The following REELD1 variants were observed in gnomAD, a reference collection of about 807,000 sequenced individuals.
REELD1 encodes the protein reelin domain-containing protein 1.
REELD1 carries 12 observed loss-of-function variants against 6.3 expected under a neutral mutation model. The ratio of observed to expected loss-of-function variants is 1.89; its 90% CI spans 1.21 to 3.07. The LOEUF (loss-of-function observed/expected upper bound fraction) is 3.07, where lower values mean the gene tolerates loss of function less well. Ranked by LOEUF, REELD1 falls within the 30% of genes most tolerant of loss-of-function variation. The pLI, the probability that REELD1 is intolerant of heterozygous loss-of-function variation, is 0.00. For synonymous variants in REELD1, 57 were observed against 33.6 expected (o/e 1.70, Z -2.42); for missense variants, 163 against 86.8 (o/e 1.88, Z -3.49).
At chr4:146,216,861 A>T in intron 2 of REELD1, 81 bp from the exon 3 acceptor site, 1 of 397,666 alleles carries the variant, frequency 2.5e-6, no homozygotes, top group Non-Finnish European at 4.4e-6. Context: ...TGTGGGGTTC[A>T]GGTTAGTCAC....
At chr4:146,214,797 G>T (rs1377433301) in intron 1 of REELD1, 103 bp downstream of exon 1, 1 of 152,318 alleles carries the variant, frequency 6.6e-6, no homozygotes, top group Non-Finnish European at 1.5e-5. Flanking sequence ...TCCTGCCTCG[G>T]CCTCCCAAAG....
Position 146,216,812 on chromosome 4 carries a change from T to C in REELD1, c.-11-130T>C, listed in dbSNP as rs1209510809. The C allele has an allele frequency of 1.3e-5, 5 of 397,304 alleles. No individual in the cohort carries two copies. In the East Asian group the frequency reaches 1.8e-4, roughly 14 times the overall value. The allele number at this position is 397,304 out of a possible 1,614,324, so 24.6% of individuals were successfully genotyped here. On this transcript the variant is annotated intron_variant, in intron 2 of 7. Transcript: ENST00000623665. ...TCTTGGCCTTGAACATTAGCAATCCTGGGAGGCTGCACTAAAAGCATCTCA... is the reference window on the plus strand; with the variant it reads ...TCTTGGCCTTGAACATTAGCAATCCCGGGAGGCTGCACTAAAAGCATCTCA...
intron 2 of REELD1, among the ~76,000 whole-genome samples, chr4:146,216,720 AG>A (rs1730832629): frequency 1.3e-5 from 2 of 152,372 alleles, no homozygotes; most frequent in South Asian, 4.1e-4. Flanking sequence ...GAAAATTACA[AG>A]AACAGAAGTT....
At chr4:146,225,787 A>G (rs1228849595) in intron 5 of REELD1, among the ~76,000 whole-genome samples, 1 of 152,034 alleles carries the variant, frequency 6.6e-6, no homozygotes, top group Non-Finnish European at 1.5e-5. Context: ...TCTATGCCTG[A>G]CTCCGCTGGA....
At chr4:146,227,900 G>T (rs1731053064) in intron 5 of REELD1, among the ~76,000 whole-genome samples, 1 of 152,110 alleles carries the variant, frequency 6.6e-6, no homozygotes, top group South Asian at 2.1e-4. Flanking sequence ...GCAGTTTTTG[G>T]CAGAGGTGAA....
chr4:146,229,167 A>C, intron 7 of REELD1, 79 bp downstream of exon 7: 2 of 683,082 alleles, frequency 2.9e-6, no homozygotes, highest in South Asian at 3.1e-5. Flanking sequence ...GGGAAATCAG[A>C]GCTATTAGAC....
chr4:146,223,168 A>T (rs1730955139), intron 4 of REELD1, among the ~76,000 whole-genome samples: 1 of 152,236 alleles, frequency 6.6e-6, no homozygotes, highest in South Asian at 2.1e-4. Flanking sequence ...GCATTTACCA[A>T]GAAAGATAAT....
intron 3 of REELD1, among the ~76,000 whole-genome samples, chr4:146,217,727 A>G (rs948141026): frequency 6.6e-6 from 1 of 152,248 alleles, no homozygotes; most frequent in African/African-American, 2.4e-5. Flanking sequence ...GGACACAAAT[A>G]TAGTTACTCT....
In REELD1 at chr4:146,229,010, C is replaced by T; in HGVS notation, c.909-15C>T. Reference sequence around the variant, plus strand: ...CTTAATGACCTGTTTTCAGCCCTTCCATTCTTCCCTTTAGAACTCAGGATG... The same window carrying T: ...CTTAATGACCTGTTTTCAGCCCTTCTATTCTTCCCTTTAGAACTCAGGATG... On this transcript the variant is annotated splice_polypyrimidine_tract_variant and intron_variant, in intron 6 of 7. Transcript: ENST00000623665. 1 of 702,302 alleles carries T rather than the reference C, an allele frequency of 1.4e-6. No homozygotes were observed. The highest frequency in any genetic ancestry group is 2.6e-6 in the Non-Finnish European group (1 of 384,884). 43.5% of individuals were successfully genotyped at this position (702,302 alleles called of 1,614,324 possible). A position where few individuals can be genotyped will look rare whatever the true frequency, so the allele number is the denominator to read the frequency against.
chr4:146,229,566 T>C (rs1418393112), intron 7 of REELD1, among the ~76,000 whole-genome samples: 1 of 152,206 alleles, frequency 6.6e-6, no homozygotes. Flanking sequence ...ATGGGTCCTA[T>C]CATAAGAAGA....
chr4:146,228,224 A>T lies in REELD1; in HGVS notation c.610A>T (p.Ile204Phe), dbSNP rs1478911752. Residue 204 changes from isoleucine (I) to phenylalanine (F), a missense_variant, in exon 6 of 8, where the codon ATC becomes TTC. Ile to Phe is a conservative substitution (Grantham distance 21, BLOSUM62 0). Transcript: ENST00000623665. ...EGAAPAPRTP[I>F]TLPQQHTHVF... Reference sequence around the variant, plus strand: ...CCTCTGCTTAGCTCCCAGGACCCCCATCACTCTTCCACAGCAGCACACACA... The same window carrying T: ...CCTCTGCTTAGCTCCCAGGACCCCCTTCACTCTTCCACAGCAGCACACACA... 2.8e-6 allele frequency: 2 copies of T among 701,978 alleles called. No individual in the cohort carries two copies. Among genetic ancestry groups the T allele is most frequent in the African/African-American group, 3.5e-5 (2 of 57,212 alleles). The allele number at this position is 701,978 out of a possible 1,614,324, so 43.5% of individuals were successfully genotyped here. A position where few individuals can be genotyped will look rare whatever the true frequency, so the allele number is the denominator to read the frequency against.
At chr4:146,216,593 AG>A (rs1730829833) in intron 2 of REELD1, among the ~76,000 whole-genome samples, 1 of 152,234 alleles carries the variant, frequency 6.6e-6, no homozygotes, top group Non-Finnish European at 1.5e-5. Context: ...TTTGGGTACC[AG>A]TCAGCTTGCA....
At chr4:146,226,555 C>A (rs773793146) in intron 5 of REELD1, among the ~76,000 whole-genome samples, 4 of 152,142 alleles carry the variant, frequency 2.6e-5, no homozygotes, top group Non-Finnish European at 5.9e-5. Context: ...GCTGTCTTCA[C>A]ATGGTGGAAG....
rs545466804 is a variant in REELD1 at position 146,216,612 on chromosome 4, C to T, written c.-11-330C>T. Reference sequence around the variant, plus strand: ...GGTACCAGTCAGCTTGCAAGGAGCTCACGCTAGGATACAAACATTTTCTGG... The same window carrying T: ...GGTACCAGTCAGCTTGCAAGGAGCTTACGCTAGGATACAAACATTTTCTGG... On this transcript the variant is annotated intron_variant, in intron 2 of 7. Coordinates refer to ENST00000623665, the MANE Select transcript of REELD1 (RefSeq NM_001354631.1). Among the ~76,000 whole-genome samples the T allele has an allele frequency of 2.0e-5, 3 of 152,328 alleles. No homozygotes were observed. In the South Asian group the frequency reaches 6.2e-4, roughly 32 times the overall value.
chr4:146,229,955 CG>C lies in REELD1; in HGVS notation c.1024del (p.Val342SerfsTer87). ...RTVTQPPLST[V>X]QLTYPQCLWS... Reference sequence around the variant, plus strand: ...CCGTGACACAGCCTCCTCTGTCCACCGTCCAGCTTACCTATCCCCAGTGCCT... The same window carrying C: ...CCGTGACACAGCCTCCTCTGTCCACCTCCAGCTTACCTATCCCCAGTGCCT... On this transcript the variant is annotated frameshift_variant, in exon 8 of 8. Coordinates refer to ENST00000623665, the MANE Select transcript of REELD1 (RefSeq NM_001354631.1). LOFTEE classifies it low-confidence loss of function (END_TRUNC). 2.5e-6 allele frequency: 1 copy of C among 398,758 alleles called. No individual in the cohort carries two copies. The highest frequency in any genetic ancestry group is 4.4e-6 in the Non-Finnish European group (1 of 226,176). The allele number at this position is 398,758 out of a possible 1,614,324, so 24.7% of individuals were successfully genotyped here.
chr4:146,230,262 C>T lies in REELD1; in HGVS notation c.1330C>T (p.Leu444=). 2.5e-6 allele frequency: 1 copy of T among 398,880 alleles called. No homozygotes were observed. Among genetic ancestry groups the T allele is most frequent in the Non-Finnish European group, 4.4e-6 (1 of 226,242 alleles). 24.7% of individuals were successfully genotyped at this position (398,880 alleles called of 1,614,324 possible). Residue 444 remains leucine (L), a synonymous_variant, in exon 8 of 8, where the codon CTG becomes TTG. Coordinates refer to ENST00000623665, the MANE Select transcript of REELD1 (RefSeq NM_001354631.1). ...GGGTATCCAGCTCAGAACTCCTCAG[C>T]TGGGAATTCTGCTTTGCCTGTCAGC... is the stretch of plus-strand genomic sequence containing the variant. The part of the protein sequence containing the change: ...PLGIQLRTPQ[L]GILLCLSATL...
At chr4:146,227,150 A>G (rs573357737) in intron 5 of REELD1, among the ~76,000 whole-genome samples, 1 of 151,992 alleles carries the variant, frequency 6.6e-6, no homozygotes, top group Admixed American at 6.5e-5. Context: ...AGTCTGCATT[A>G]TGTTTGCATC....
rs1731116275 is a variant in REELD1, at chr4:146,230,729, C to A, written c.*216C>A. ...TTAACATCTGTAATTGGGCTTCCTT[C>A]TTTCTTTTTGCAATTAGACGTTCTG... On this transcript the variant is annotated 3_prime_UTR_variant, in exon 8 of 8. Coordinates refer to ENST00000623665, the MANE Select transcript of REELD1 (RefSeq NM_001354631.1). 2.7e-6 allele frequency: 1 copy of A among 369,060 alleles called. No homozygotes were observed. Among genetic ancestry groups the A allele is most frequent in the African/African-American group, 2.1e-5 (1 of 48,274 alleles). The allele number at this position is 369,060 out of a possible 1,614,324, so 22.9% of individuals were successfully genotyped here. A position where few individuals can be genotyped will look rare whatever the true frequency, so the allele number is the denominator to read the frequency against.
In REELD1 at chr4:146,230,592, A is replaced by G; in HGVS notation, c.*79A>G. 5 of 397,708 alleles carry G rather than the reference A, an allele frequency of 1.3e-5. No homozygotes were observed. In the East Asian group the frequency reaches 1.8e-4, roughly 14 times the overall value. The allele number at this position is 397,708 out of a possible 1,614,324, so 24.6% of individuals were successfully genotyped here. ...CCCAGACAGAGCAGAGATAATGAGA[A>G]TAACTGATGAAGACAGGGACTCATT... is the stretch of plus-strand genomic sequence containing the variant. On this transcript the variant is annotated 3_prime_UTR_variant, in exon 8 of 8. Transcript: ENST00000623665.
Sources: gnomAD v4.1 joint callset for allele counts (sites outside exome capture counted in the v4.1 genomes callset) on GRCh38, gnomAD v4.1.1 for gene constraint, MANE v1.5 for transcripts, NCBI Gene and HGNC (gene_info 2026-07-23, HGNC 2026-07-21) for gene names.